The following CPNE8 variants were observed in gnomAD, a reference collection of about 807,000 sequenced individuals.
CPNE8 encodes the protein copine 8, also known as copine-8.
In CPNE8, 45 loss-of-function variants were observed where a neutral mutation model predicts 81.5. That is an observed-to-expected ratio of 0.55 (90% CI 0.44 to 0.71). The LOEUF (loss-of-function observed/expected upper bound fraction) is 0.71, where lower values mean the gene tolerates loss of function less well. Among genes scored for constraint, CPNE8 ranks in the 30% least tolerant of loss-of-function variants. CPNE8 has a pLI of 0.00. For synonymous variants in CPNE8, 252 were observed against 226.3 expected, an observed-to-expected ratio of 1.11 and a Z score of -1.02; for missense variants, 594 against 672.1, an observed-to-expected ratio of 0.88 and a Z score of 1.28.
intron 10 of CPNE8, among the ~76,000 whole-genome samples, chr12:38,730,946 G>A (rs567583336): frequency 4.5e-4 from 68 of 151,802 alleles, no homozygotes; most frequent in Non-Finnish European, 7.5e-4. Context: ...ACCTTCTCAG[G>A]TGTCTTCTCA....
At chr12:38,705,919 A>C (rs149172872) in intron 13 of CPNE8, among the ~76,000 whole-genome samples, 1,622 of 152,238 alleles carry the variant, frequency 0.011, 33 homozygotes, top group African/African-American at 0.036. Context: ...ATATATACAT[A>C]TATCATAAGA....
intron 1 of CPNE8, among the ~76,000 whole-genome samples, chr12:38,885,613 G>GT (rs1334846194): frequency 6.6e-6 from 1 of 152,158 alleles, no homozygotes; most frequent in Admixed American, 6.5e-5. Context: ...GCTTTTCTGT[G>GT]TGCAAGTATT....
intron 6 of CPNE8, among the ~76,000 whole-genome samples, chr12:38,798,875 C>G (rs1273013492): frequency 6.6e-6 from 1 of 151,502 alleles, no homozygotes; most frequent in Non-Finnish European, 1.5e-5. Flanking sequence ...AAATGGAAAA[C>G]AAAAAAAGGC....
chr12:38,862,990 A>T (rs1943861385), intron 3 of CPNE8, among the ~76,000 whole-genome samples: 1 of 152,156 alleles, frequency 6.6e-6, no homozygotes. Context: ...AAAATGAGAA[A>T]AAAAAATTAG....
intron 7 of CPNE8, among the ~76,000 whole-genome samples, chr12:38,774,001 T>A (rs1941865548): frequency 6.6e-6 from 1 of 152,128 alleles, no homozygotes; most frequent in African/African-American, 2.4e-5. Flanking sequence ...AAATATGTAT[T>A]GACTCATTGA....
intron 15 of CPNE8, among the ~76,000 whole-genome samples, chr12:38,693,068 A>C (rs1939714358): frequency 6.6e-6 from 1 of 152,218 alleles, no homozygotes; most frequent in Non-Finnish European, 1.5e-5. Context: ...AGAGTTGTCC[A>C]GGCAACCCCA....
intron 3 of CPNE8, among the ~76,000 whole-genome samples, chr12:38,865,546 G>T (rs558763724): frequency 6.6e-6 from 1 of 152,206 alleles, no homozygotes; most frequent in South Asian, 2.1e-4. Context: ...TATATAAAAG[G>T]CTTAAAAATG....
At chr12:38,717,936 G>C (rs1940448483) in intron 13 of CPNE8, among the ~76,000 whole-genome samples, 1 of 151,942 alleles carries the variant, frequency 6.6e-6, no homozygotes, top group Admixed American at 6.6e-5. Flanking sequence ...TAAGTTAAAA[G>C]TGAGGAGTTA....
intron 6 of CPNE8, among the ~76,000 whole-genome samples, chr12:38,794,533 G>A (rs973920476): frequency 6.6e-6 from 1 of 151,620 alleles, no homozygotes; most frequent in East Asian, 1.9e-4. Flanking sequence ...TATACAAATG[G>A]CCAAATACAT....
chr12:38,686,324 G>A (rs1380996800), intron 15 of CPNE8, among the ~76,000 whole-genome samples: 1 of 152,130 alleles, frequency 6.6e-6, no homozygotes, highest in East Asian at 1.9e-4. Context: ...TTGTTAAGAA[G>A]CTCTTATTCT....
intron 19 of CPNE8, among the ~76,000 whole-genome samples, chr12:38,666,680 T>G (rs1939062923): frequency 6.6e-6 from 1 of 152,194 alleles, no homozygotes; most frequent in African/African-American, 2.4e-5. Flanking sequence ...AGTGTGTTTG[T>G]CTGTTTCTGT....
At chr12:38,655,470 C>T (rs1218370415) in intron 19 of CPNE8, among the ~76,000 whole-genome samples, 1 of 152,042 alleles carries the variant, frequency 6.6e-6, no homozygotes, top group Non-Finnish European at 1.5e-5. Flanking sequence ...AAAGTGAAGA[C>T]ATTTTAATAT....
intron 4 of CPNE8, among the ~76,000 whole-genome samples, chr12:38,841,961 C>T (rs552168571): frequency 4.7e-4 from 72 of 151,766 alleles, no homozygotes; most frequent in African/African-American, 1.7e-3. Context: ...CAACAGCACA[C>T]ACTCATTATG....
intron 10 of CPNE8, among the ~76,000 whole-genome samples, chr12:38,755,816 G>A (rs1375517030): frequency 1.3e-5 from 2 of 151,936 alleles, no homozygotes; most frequent in African/African-American, 2.4e-5. Context: ...CGAGGCGGGC[G>A]GATCACGAAG....
intron 6 of CPNE8, among the ~76,000 whole-genome samples, chr12:38,777,395 T>A (rs1941958764): frequency 6.6e-6 from 1 of 152,198 alleles, no homozygotes; most frequent in African/African-American, 2.4e-5. Context: ...TAAAACATTT[T>A]AAAAAGTTTA....
At chr12:38,684,489 G>A (rs2136658483) in intron 16 of CPNE8, among the ~76,000 whole-genome samples, 1 of 152,210 alleles carries the variant, frequency 6.6e-6, no homozygotes, top group East Asian at 1.9e-4. Context: ...AAGCCGAAGG[G>A]TCACACTCAG....
intron 14 of CPNE8, among the ~76,000 whole-genome samples, chr12:38,696,769 G>A (rs1437414536): frequency 6.6e-6 from 1 of 152,144 alleles, no homozygotes; most frequent in Non-Finnish European, 1.5e-5. Flanking sequence ...ATTCAGCTGG[G>A]CATGGTGGCT....
intron 6 of CPNE8, among the ~76,000 whole-genome samples, chr12:38,816,975 T>A (rs570813631): frequency 6.6e-6 from 1 of 152,352 alleles, no homozygotes; most frequent in African/African-American, 2.4e-5. Context: ...CCTAAAATGA[T>A]GCCACAGCCC....
chr12:38,808,641 A>G (rs1030471706), intron 6 of CPNE8, among the ~76,000 whole-genome samples: 1 of 150,356 alleles, frequency 6.7e-6, no homozygotes, highest in Admixed American at 6.6e-5. Context: ...ATTAGGAGAT[A>G]TATCTAATGC....
Sources: allele counts gnomAD v4.1 joint callset (sites outside exome capture counted in the v4.1 genomes callset), GRCh38; gene constraint gnomAD v4.1.1; transcripts MANE v1.5; gene names NCBI Gene and HGNC (gene_info 2026-07-23, HGNC 2026-07-21).